NAV2: variants seen among roughly 807,000 people sequenced by gnomAD.
The protein encoded by NAV2 is helicase, APC down-regulated 1.
Under a neutral mutation model 223.2 loss-of-function variants are expected in NAV2, and 54 were observed. That is an observed-to-expected ratio of 0.24 (90% CI 0.19 to 0.30). The LOEUF is 0.30. NAV2 is among the 10% of genes least tolerant of loss of function. The probability of loss-of-function intolerance (pLI) is 1.00; values close to 1 mark genes in which losing one functional copy is unlikely to be tolerated. For missense variants in NAV2, 2,806 were observed against 3,147.5 expected, an observed-to-expected ratio of 0.89 and a Z score of 2.60; for synonymous variants, 1,279 against 1,239.3, an observed-to-expected ratio of 1.03 and a Z score of -0.67.
chr11:19,790,302 A>G (rs185361316), intron 1 of NAV2, among the ~76,000 whole-genome samples: 97 of 152,310 alleles, frequency 6.4e-4, no homozygotes, highest in African/African-American at 2.3e-3. Flanking sequence ...TTCTAGTCCA[A>G]ACCAATCCTT....
chr11:20,010,922 T>C (rs1316090811), intron 11 of NAV2, among the ~76,000 whole-genome samples: 1 of 152,244 alleles, frequency 6.6e-6, no homozygotes, highest in African/African-American at 2.4e-5. Flanking sequence ...AACACCTTTA[T>C]GAATAGTGAC....
At chr11:19,906,758 C>T (rs1591175999) in intron 6 of NAV2, among the ~76,000 whole-genome samples, 1 of 152,090 alleles carries the variant, frequency 6.6e-6, no homozygotes, top group Admixed American at 6.6e-5. Context: ...TTTATGAGGC[C>T]CCTGTGGCCA....
intron 1 of NAV2, among the ~76,000 whole-genome samples, chr11:19,485,840 T>C (rs1051633040): frequency 6.6e-6 from 1 of 152,178 alleles, no homozygotes; most frequent in South Asian, 2.1e-4. Flanking sequence ...GGAATAAAGA[T>C]GCCATGGAAC....
Position 20,048,785 on chromosome 11 carries a change from A to G in NAV2, c.3960A>G (p.Lys1320=). 1.9e-6 allele frequency: 3 copies of G among 1,614,072 alleles called. No individual in the cohort carries two copies. Among genetic ancestry groups the G allele is most frequent in the South Asian group, 2.2e-5 (2 of 91,078 alleles). Residue 1320 remains lysine, a synonymous_variant, in exon 15 of 38, where the codon AAA becomes AAG. Transcript: ENST00000349880. ...CCATCGCCACAGCTGAAAACATGAA[A>G]AATTCGGTGGTCATCTCCAATCCTC... ...QVPIATAENM[K]NSVVISNPHA...
At chr11:19,696,968 A>C (rs1023399644) in intron 1 of NAV2, among the ~76,000 whole-genome samples, 7 of 152,198 alleles carry the variant, frequency 4.6e-5, no homozygotes, top group African/African-American at 1.7e-4. Flanking sequence ...AGACAAGAAA[A>C]CTGAGGCATA....
At chr11:19,788,598 G>T (rs1391281091) in intron 1 of NAV2, among the ~76,000 whole-genome samples, 1 of 152,144 alleles carries the variant, frequency 6.6e-6, no homozygotes. Flanking sequence ...CACCAGAGAG[G>T]TGTCAAAAAA....
At chr11:19,929,207 C>T (rs891336350) in intron 6 of NAV2, among the ~76,000 whole-genome samples, 8 of 152,068 alleles carry the variant, frequency 5.3e-5, no homozygotes, top group Non-Finnish European at 1.0e-4. Flanking sequence ...GAGCCAAGAT[C>T]GAGCCGCTGC....
At chr11:19,675,491 T>A in intron 1 of NAV2, among the ~76,000 whole-genome samples, 1 of 152,206 alleles carries the variant, frequency 6.6e-6, no homozygotes, top group East Asian at 1.9e-4. Context: ...AGTCTGTAGT[T>A]GCTTTTCTGT....
At position 20,055,889 on chromosome 11, in the gene NAV2, C is replaced by G; in HGVS notation, c.4763C>G (p.Ser1588Cys). Reference sequence around the variant, plus strand: ...ACTGACAGCCGCTTCCGGAATAGCTCCATGTCCCTGGATGAGAAGAGCAGA... The same window carrying G: ...ACTGACAGCCGCTTCCGGAATAGCTGCATGTCCCTGGATGAGAAGAGCAGA... ...PYTDSRFRNS[S>C]MSLDEKSRTM... Residue 1588 changes from serine to cysteine, a missense_variant, in exon 19 of 38, where the codon TCC becomes TGC. By Grantham distance (112) the Ser-to-Cys change is moderately radical. This residue lies in a region of NAV2 where 742 missense variants were observed against 777.9 expected (regional missense o/e 0.95). Transcript: ENST00000349880. 1 of 1,614,172 alleles carries G rather than the reference C, an allele frequency of 6.2e-7. No homozygotes were observed. The highest frequency in any genetic ancestry group is 8.5e-7 in the Non-Finnish European group (1 of 1,180,034).
intron 4 of NAV2, among the ~76,000 whole-genome samples, chr11:19,875,026 A>G (rs566926020): frequency 5.3e-4 from 80 of 152,288 alleles, no homozygotes; most frequent in Non-Finnish European, 1.0e-3. Flanking sequence ...GCGTGGTGGC[A>G]TGCACCTATA....
chr11:20,114,723 C>T lies in NAV2; in HGVS notation c.7092C>T (p.Asp2364=), dbSNP rs749218641. Reference sequence around the variant, plus strand: ...TACGGCCTGAGGATGTCGGCTTCGACGGCTACTCCATGCCTCGGGAGGGAT... The same window carrying T: ...TACGGCCTGAGGATGTCGGCTTCGATGGCTACTCCATGCCTCGGGAGGGAT... The part of the protein sequence containing the change: ...LQLRPEDVGF[D]GYSMPREGST... The change falls in exon 37 of 38, where the codon GAC becomes GAT. Residue 2364 remains aspartate, a synonymous_variant. Transcript: ENST00000349880. 2.1e-5 allele frequency: 34 copies of T among 1,614,018 alleles called. No homozygotes were observed. The highest frequency in any genetic ancestry group is 7.7e-5 in the South Asian group (7 of 91,074).
chr11:19,421,114 A>G (rs1175426622), intron 1 of NAV2, among the ~76,000 whole-genome samples: 1 of 152,170 alleles, frequency 6.6e-6, no homozygotes, highest in Non-Finnish European at 1.5e-5. Context: ...TGGAGGGGTC[A>G]TAGTCGATGG....
intron 1 of NAV2, among the ~76,000 whole-genome samples, chr11:19,460,732 A>G (rs1456218352): frequency 1.3e-5 from 2 of 152,076 alleles, no homozygotes; most frequent in Non-Finnish European, 1.5e-5. Context: ...GCACATGTAT[A>G]CATATGTAAC....
At chr11:19,477,667 G>A (rs533584353) in intron 1 of NAV2, among the ~76,000 whole-genome samples, 3 of 152,296 alleles carry the variant, frequency 2.0e-5, no homozygotes, top group South Asian at 2.1e-4. Context: ...CAGTCCATGG[G>A]AATTTACTGT....
chr11:19,371,007 C>T (rs1001033120), intron 1 of NAV2, among the ~76,000 whole-genome samples: 2 of 152,162 alleles, frequency 1.3e-5, no homozygotes, highest in Non-Finnish European at 2.9e-5. Context: ...AGTCCAATTC[C>T]CATTTTTCAG....
intron 1 of NAV2, among the ~76,000 whole-genome samples, chr11:19,765,089 G>T (rs942557976): frequency 1.3e-5 from 2 of 152,160 alleles, no homozygotes; most frequent in Non-Finnish European, 2.9e-5. Context: ...CCATGGTGTA[G>T]CCAGTGTATA....
intron 34 of NAV2, 24 bp from the exon 35 acceptor site, chr11:20,105,507 A>G (rs752647814): frequency 1.3e-6 from 2 of 1,597,066 alleles, no homozygotes; most frequent in Non-Finnish European, 1.7e-6. Flanking sequence ...CATCAGCTTG[A>G]AAAGTGTTTC....
At chr11:19,860,452 T>G (rs1312028084) in intron 3 of NAV2, among the ~76,000 whole-genome samples, 3 of 150,604 alleles carry the variant, frequency 2.0e-5, no homozygotes, top group African/African-American at 7.4e-5. Context: ...GCAGAGACGC[T>G]CCTCACTTCC....
chr11:19,749,754 C>G (rs2053653090), intron 1 of NAV2, among the ~76,000 whole-genome samples: 1 of 152,212 alleles, frequency 6.6e-6, no homozygotes, highest in Non-Finnish European at 1.5e-5. Flanking sequence ...TCTGGGATCA[C>G]AGCATTCAGA....
Sources: allele counts gnomAD v4.1 joint callset (sites outside exome capture counted in the v4.1 genomes callset), GRCh38; gene constraint gnomAD v4.1.1; regional missense constraint gnomAD v4.1.1; transcripts MANE v1.5; gene names NCBI Gene and HGNC (gene_info 2026-07-23, HGNC 2026-07-21).